Variants in UTP4 observed in about 807,000 individuals in gnomAD.
UTP4 encodes the protein UTP4 small subunit processome component.
In UTP4, 45 loss-of-function variants were observed where a neutral mutation model predicts 82.4. That is an observed-to-expected ratio of 0.55 (90% CI 0.43 to 0.70). The LOEUF is 0.70. Ranked by LOEUF, UTP4 falls within the 30% of genes least tolerant of loss-of-function variation. The pLI, the probability that UTP4 is intolerant of heterozygous loss-of-function variation, is 0.00. For synonymous variants in UTP4, 348 were observed against 300.3 expected, an observed-to-expected ratio of 1.16 and a Z score of -1.64; for missense variants, 819 against 858.3, an observed-to-expected ratio of 0.95 and a Z score of 0.57.
Position 69,154,375 on chromosome 16 carries a change from G to T in UTP4, c.1100-18G>T, listed in dbSNP as rs771424086. ...CTTTCTTTCATAAGAAAAATCTCAG[G>T]GAAGTTTCTTGTTTCAGGCAAGAAT... On this transcript the variant is annotated intron_variant, in intron 9 of 16. Transcript: ENST00000314423. 1.9e-5 allele frequency: 31 copies of T among 1,590,362 alleles called. No individual in the cohort carries two copies. The highest frequency in any genetic ancestry group is 1.7e-4 in the Admixed American group (10 of 59,794).
intron 4 of UTP4, chr16:69,138,981 T>C (rs1027763201): frequency 1.3e-5 from 2 of 148,870 alleles, no homozygotes; most frequent in African/African-American, 5.0e-5. Context: ...TTTTTTTTTT[T>C]TTCCTGAGAT....
intron 13 of UTP4, among the ~76,000 whole-genome samples, chr16:69,161,305 AC>A (rs1306532247): frequency 6.6e-6 from 1 of 152,244 alleles, no homozygotes; most frequent in Admixed American, 6.5e-5. Flanking sequence ...GATTCGAACT[AC>A]CCAAAACTTG....
rs531972571 is a variant in UTP4, at chr16:69,138,664, G to A, written c.436+779G>A. Among the ~76,000 whole-genome samples the A allele has an allele frequency of 2.0e-5, 3 of 152,338 alleles. No homozygotes were observed. The South Asian group carries it at 6.2e-4, about 32-fold the overall frequency. ...TGACCCTTTAGAACAGGGGTTGGCA[G>A]ACTGTTTCTGTAAAGGACCAGATAG... On this transcript the variant is annotated intron_variant, in intron 4 of 16. Transcript: ENST00000314423.
At chr16:69,134,653 C>T (rs924795142) in intron 2 of UTP4, among the ~76,000 whole-genome samples, 2 of 150,786 alleles carry the variant, frequency 1.3e-5, no homozygotes, top group African/African-American at 2.4e-5. Flanking sequence ...GAAGAACATG[C>T]GCTGGCGTGT....
intron 11 of UTP4, among the ~76,000 whole-genome samples, 161 bp downstream of exon 11, chr16:69,156,154 CTT>C (rs36043898): frequency 1.4e-4 from 18 of 130,464 alleles, no homozygotes; most frequent in African/African-American, 1.8e-4. Flanking sequence ...TTCTTTCTTT[CTT>C]TTTTTTTTTT....
Position 69,156,069 on chromosome 16 carries a change from A to G in UTP4, c.1287+76A>G. ...GTCATTTTTGTGTGAAGTGGAAATCAACTGGATGTGAATCCTTGCTCAGTT... is the reference window on the plus strand; with the variant it reads ...GTCATTTTTGTGTGAAGTGGAAATCGACTGGATGTGAATCCTTGCTCAGTT... On this transcript the variant is annotated intron_variant, in intron 11 of 16. Transcript: ENST00000314423. The G allele has an allele frequency of 3.5e-6, 5 of 1,440,970 alleles. No homozygotes were observed. In the South Asian group the frequency reaches 5.7e-5, roughly 16 times the overall value. 89.3% of individuals were successfully genotyped at this position (1,440,970 alleles called of 1,614,324 possible).
At chr16:69,151,579 C>T (rs1963270387) in intron 8 of UTP4, among the ~76,000 whole-genome samples, 2 of 151,806 alleles carry the variant, frequency 1.3e-5, no homozygotes, top group South Asian at 2.1e-4. Flanking sequence ...CTCGGCCTCC[C>T]AAAGTGCTGG....
chr16:69,151,052 G>A, intron 8 of UTP4, 148 bp downstream of exon 8: 1 of 695,468 alleles, frequency 1.4e-6, no homozygotes, highest in Non-Finnish European at 2.5e-6. Flanking sequence ...TGTTGCCCAG[G>A]CTGGAGTGCA....
At chr16:69,151,007 G>GA in intron 8 of UTP4, 103 bp downstream of exon 8, 1 of 871,406 alleles carries the variant, frequency 1.1e-6, no homozygotes, top group Non-Finnish European at 1.8e-6. Flanking sequence ...AAATTTGTAG[G>GA]ACTTTTTTTT....
intron 1 of UTP4, 38 bp downstream of exon 1, chr16:69,132,727 G>A (rs751681940): frequency 3.1e-5 from 8 of 258,704 alleles, no homozygotes; most frequent in Middle Eastern, 1.3e-3. Flanking sequence ...GGCTGCGAGA[G>A]CTGGGGGGGT....
Position 69,132,701 on chromosome 16 carries a change from A to T in UTP4, c.-3+12A>T. 3 of 313,030 alleles carry T rather than the reference A, an allele frequency of 9.6e-6. No homozygotes were observed. Among genetic ancestry groups the T allele is most frequent in the Non-Finnish European group, 1.9e-5 (3 of 160,538 alleles). The allele number at this position is 313,030 out of a possible 1,614,324, so 19.4% of individuals were successfully genotyped here. ...GCGTGGGGCCGCTGGTGAGTTGGGG[A>T]AGGGGCGTGGGAAGCGGCTGCGAGA... On this transcript the variant is annotated intron_variant, in intron 1 of 16. Coordinates refer to ENST00000314423, the MANE Select transcript of UTP4 (RefSeq NM_032830.3).
In UTP4 at chr16:69,163,880, G is replaced by GTTT. The variant is rs201368311; in HGVS notation, c.1647+703_1647+705dup. Among the ~76,000 whole-genome samples, 244 of 132,606 alleles carry GTTT rather than the reference G, an allele frequency of 1.8e-3. 13 individuals are homozygous for GTTT. The highest frequency in any genetic ancestry group is 6.3e-3 in the African/African-American group (219 of 34,634). 87.0% of individuals were successfully genotyped at this position (132,606 alleles called of 152,430 possible). On this transcript the variant is annotated intron_variant, in intron 14 of 16. Coordinates refer to ENST00000314423, the MANE Select transcript of UTP4 (RefSeq NM_032830.3). ...ATGATGCTTACTGCTTTGATGGTCA[G>GTTT]TTTGTTTTTTTTTTTTTTTTTTTGA...
At chr16:69,146,096 CAAAA>C (rs759547632) in intron 6 of UTP4, among the ~76,000 whole-genome samples, 1 of 103,382 alleles carries the variant, frequency 9.7e-6, no homozygotes, top group Non-Finnish European at 2.0e-5. Context: ...GACTCTGTCT[CAAAA>C]AAAAAAAAAG....
At chr16:69,141,045 C>G (rs1455788583) in intron 5 of UTP4, among the ~76,000 whole-genome samples, 1 of 152,122 alleles carries the variant, frequency 6.6e-6, no homozygotes, top group East Asian at 1.9e-4. Context: ...TTAATAGTGT[C>G]TCTGTCTCTC....
At chr16:69,150,103 A>G (rs1282540386) in intron 6 of UTP4, among the ~76,000 whole-genome samples, 1 of 152,210 alleles carries the variant, frequency 6.6e-6, no homozygotes, top group Non-Finnish European at 1.5e-5. Flanking sequence ...AAGGATTTTC[A>G]GTATTTTTAT....
At chr16:69,164,610 A>ATATATG (rs1250232512) in intron 14 of UTP4, among the ~76,000 whole-genome samples, 1 of 134,788 alleles carries the variant, frequency 7.4e-6, no homozygotes, top group African/African-American at 2.9e-5. Context: ...ATATATATAT[A>ATATATG]TATATGTATA....
intron 6 of UTP4, among the ~76,000 whole-genome samples, chr16:69,145,551 C>T (rs914466379): frequency 5.3e-5 from 8 of 150,688 alleles, no homozygotes; most frequent in African/African-American, 1.9e-4. Context: ...CCGCCCCTGG[C>T]TTTTTCTTTT....
intron 2 of UTP4, among the ~76,000 whole-genome samples, chr16:69,134,269 G>A (rs1200882564): frequency 6.6e-6 from 1 of 151,666 alleles, no homozygotes; most frequent in African/African-American, 2.4e-5. Context: ...GAGTAGATGG[G>A]CAAATGAGTG....
rs1432785976 is a variant in UTP4, at chr16:69,137,884, A to T, written c.435A>T (p.Lys145Asn). The T allele has an allele frequency of 6.3e-7, 1 of 1,597,826 alleles. No individual in the cohort carries two copies. The highest frequency in any genetic ancestry group is 2.2e-5 in the East Asian group (1 of 44,802). ...TTGAAAGAAATTTTGATCGGCAGAA[A>T]AGTAAGCGTCATTTTTCATGGGGCG... ...IQFERNFDRQ[K>N]SRILSLSWHP... is the part of the protein sequence containing the mutation. The change falls in exon 4 of 17, where the codon AAA becomes AAT. Residue 145 changes from lysine (K) to asparagine (N), a missense_variant and splice_region_variant. Physicochemically the swap from Lys to Asn is moderately conservative, Grantham distance 94. Coordinates refer to ENST00000314423, the MANE Select transcript of UTP4 (RefSeq NM_032830.3).
Sources: gnomAD v4.1 joint callset for allele counts (sites outside exome capture counted in the v4.1 genomes callset) on GRCh38, gnomAD v4.1.1 for gene constraint, MANE v1.5 for transcripts, NCBI Gene and HGNC (gene_info 2026-07-23, HGNC 2026-07-21) for gene names.